ERBB4: variants seen among roughly 807,000 people sequenced by gnomAD.
ERBB4 encodes the protein receptor tyrosine-protein kinase erbB-4.
In ERBB4, 42 loss-of-function variants were observed where a neutral mutation model predicts 158.0. The observed-to-expected ratio is 0.27, with a 90% CI of 0.21 to 0.34. The LOEUF (loss-of-function observed/expected upper bound fraction) is 0.34, where lower values mean the gene tolerates loss of function less well. ERBB4 is among the 10% of genes least tolerant of loss of function. ERBB4 has a pLI of 1.00. For synonymous variants in ERBB4, 583 were observed against 558.7 expected (o/e 1.04, Z -0.61); for missense variants, 1,333 against 1,624.1 (o/e 0.82, Z 3.08).
At chr2:212,431,745 G>A (rs2092034960) in intron 1 of ERBB4, among the ~76,000 whole-genome samples, 1 of 152,134 alleles carries the variant, frequency 6.6e-6, no homozygotes, top group Admixed American at 6.5e-5. Context: ...TCCTTGAACT[G>A]TCATCACAGG....
At chr2:212,127,803 C>G (rs904241301) in intron 1 of ERBB4, among the ~76,000 whole-genome samples, 1 of 152,010 alleles carries the variant, frequency 6.6e-6, no homozygotes, top group African/African-American at 2.4e-5. Flanking sequence ...AAGGGTAGAG[C>G]TATGTACCTA....
At position 212,116,371 on chromosome 2, in the gene ERBB4, T is replaced by A. The variant is rs7557533; in HGVS notation, c.234+8381A>T. Among the ~76,000 whole-genome samples the A allele has an allele frequency of 1.2e-4, 19 of 152,316 alleles. 2 individuals carry two copies. Among genetic ancestry groups the A allele is most frequent in the African/African-American group, 4.3e-4 (18 of 41,580 alleles). The stretch of plus-strand genomic sequence containing the variant: ...ATCAGTTATACATCTTTATCATAGA[T>A]ACCATTTTATTTATAGTTTTTTAAT... On this transcript the variant is annotated intron_variant, in intron 2 of 27. Transcript: ENST00000342788.
At chr2:212,172,700 G>A (rs540192645) in intron 1 of ERBB4, among the ~76,000 whole-genome samples, 26 of 151,980 alleles carry the variant, frequency 1.7e-4, no homozygotes, top group African/African-American at 4.8e-4. Context: ...AAAATATCAC[G>A]TGTTCTCACT....
At chr2:211,589,414 C>T (rs948658064) in intron 19 of ERBB4, among the ~76,000 whole-genome samples, 10 of 152,070 alleles carry the variant, frequency 6.6e-5, no homozygotes, top group Admixed American at 2.0e-4. Flanking sequence ...ACCTAGTTAA[C>T]ATTTCAAAAA....
chr2:211,729,362 T>C (rs1320132063), intron 5 of ERBB4, among the ~76,000 whole-genome samples: 6 of 151,822 alleles, frequency 4.0e-5, no homozygotes, highest in South Asian at 4.1e-4. Flanking sequence ...ACTTTAAATA[T>C]AGGGCTTTTC....
intron 1 of ERBB4, among the ~76,000 whole-genome samples, chr2:212,455,332 A>G (rs917441850): frequency 5.7e-5 from 7 of 122,668 alleles, no homozygotes; most frequent in Admixed American, 5.5e-4. Flanking sequence ...AGGTGATCTC[A>G]TGTATGAATA....
At chr2:211,968,391 T>C (rs981599166) in intron 2 of ERBB4, among the ~76,000 whole-genome samples, 3 of 152,050 alleles carry the variant, frequency 2.0e-5, no homozygotes, top group Non-Finnish European at 4.4e-5. Context: ...TGAGAAATAT[T>C]AAGAGCATAT....
chr2:211,983,710 C>G (rs1246481063), intron 2 of ERBB4, among the ~76,000 whole-genome samples: 1 of 152,100 alleles, frequency 6.6e-6, no homozygotes, highest in Non-Finnish European at 1.5e-5. Context: ...TTTAATTAAA[C>G]TTGTAAACCC....
rs951821622 is a variant in ERBB4 at position 211,386,061 on chromosome 2, T to C, written c.3481+792A>G. Among the ~76,000 whole-genome samples the C allele has an allele frequency of 5.3e-5, 8 of 152,308 alleles. No individual in the cohort carries two copies. The East Asian group carries it at 1.5e-3, about 29-fold the overall frequency. On this transcript the variant is annotated intron_variant, in intron 27 of 27. Transcript: ENST00000342788. ...CATATACCAGGCCCTTCTCAGAGTC[T>C]TAAAATGTAGTTTACTGTTGACACT...
At chr2:212,479,038 CAA>C (rs779075346) in intron 1 of ERBB4, among the ~76,000 whole-genome samples, 2 of 152,144 alleles carry the variant, frequency 1.3e-5, no homozygotes, top group South Asian at 2.1e-4. Context: ...CTTCATTCCA[CAA>C]AGTGTCATAT....
intron 1 of ERBB4, among the ~76,000 whole-genome samples, chr2:212,348,762 C>T (rs1293852343): frequency 1.3e-5 from 2 of 152,072 alleles, no homozygotes; most frequent in Non-Finnish European, 2.9e-5. Flanking sequence ...TTCAATCACA[C>T]AATATTCAGT....
chr2:211,561,560 C>T (rs1353447149), intron 20 of ERBB4, among the ~76,000 whole-genome samples: 1 of 152,210 alleles, frequency 6.6e-6, no homozygotes, highest in East Asian at 1.9e-4. Context: ...TTCAGACATT[C>T]AACCCTTTCT....
intron 3 of ERBB4, among the ~76,000 whole-genome samples, chr2:211,882,365 G>C (rs1219773179): frequency 6.6e-6 from 1 of 152,080 alleles, no homozygotes; most frequent in Admixed American, 6.5e-5. Flanking sequence ...CTTATGCTGA[G>C]AATGAAAGTT....
intron 1 of ERBB4, among the ~76,000 whole-genome samples, chr2:212,318,937 G>A (rs2087426408): frequency 6.6e-6 from 1 of 151,522 alleles, no homozygotes; most frequent in African/African-American, 2.4e-5. Flanking sequence ...AGCCAGTGGG[G>A]ACCAATCCTC....
intron 3 of ERBB4, among the ~76,000 whole-genome samples, chr2:211,790,909 A>T (rs1239284230): frequency 6.6e-6 from 1 of 151,992 alleles, no homozygotes. Context: ...TTTAATGTAC[A>T]GTCTTACACT....
chr2:212,488,760 G>A (rs1462254374), intron 1 of ERBB4, among the ~76,000 whole-genome samples: 1 of 151,496 alleles, frequency 6.6e-6, no homozygotes, highest in Non-Finnish European at 1.5e-5. Flanking sequence ...TTGTTACAAT[G>A]GTCACTGGAC....
At chr2:211,862,724 T>C in intron 3 of ERBB4, among the ~76,000 whole-genome samples, 1 of 152,308 alleles carries the variant, frequency 6.6e-6, no homozygotes. Context: ...TTATTTTACT[T>C]AGAAAAAAGG....
At chr2:212,031,673 G>A (rs371358630) in intron 2 of ERBB4, among the ~76,000 whole-genome samples, 3 of 152,100 alleles carry the variant, frequency 2.0e-5, no homozygotes, top group African/African-American at 7.2e-5. Flanking sequence ...ATTATCAATA[G>A]TGACTCCTTT....
rs13383080 is a variant in ERBB4, at chr2:212,262,663, G to A, written c.83-137760C>T. Among the ~76,000 whole-genome samples the A allele has an allele frequency of 3.5e-3, 528 of 152,170 alleles. 4 individuals are homozygous for A. Among genetic ancestry groups the A allele is most frequent in the African/African-American group, 0.012 (491 of 41,542 alleles). ...GTGGCTTTATTTAAAAGAAGAAGAAGGAGTAAGGAATAAATCCATTTTACA... is the reference window on the plus strand; with the variant it reads ...GTGGCTTTATTTAAAAGAAGAAGAAAGAGTAAGGAATAAATCCATTTTACA... On this transcript the variant is annotated intron_variant, in intron 1 of 27. Transcript: ENST00000342788.
Sources: allele counts gnomAD v4.1 joint callset (sites outside exome capture counted in the v4.1 genomes callset), GRCh38; gene constraint gnomAD v4.1.1; transcripts MANE v1.5; gene names NCBI Gene and HGNC (gene_info 2026-07-23, HGNC 2026-07-21).